The following PTPN14 variants were observed in gnomAD, a reference collection of about 807,000 sequenced individuals.
PTPN14 encodes protein tyrosine phosphatase non-receptor type 14.
A neutral mutation model predicts 126.8 loss-of-function variants in PTPN14; 53 were observed. The ratio of observed to expected loss-of-function variants is 0.42; its 90% confidence interval spans 0.34 to 0.53. The LOEUF (loss-of-function observed/expected upper bound fraction) is 0.53. Among genes scored for constraint, PTPN14 ranks in the 20% least tolerant of loss-of-function variants. The pLI, the probability that PTPN14 is intolerant of heterozygous loss-of-function variation, is 0.08. For missense variants in PTPN14, 1,257 were observed against 1,552.9 expected, an observed-to-expected ratio of 0.81 and a Z score of 3.20; for synonymous variants, 630 against 599.3, an observed-to-expected ratio of 1.05 and a Z score of -0.75.
At chr1:214,370,866 G>A (rs543330159) in intron 16 of PTPN14, among the ~76,000 whole-genome samples, 68 of 152,250 alleles carry the variant, frequency 4.5e-4, no homozygotes, top group African/African-American at 1.5e-3. Context: ...GAACCCTGAT[G>A]GCTGTTTACA....
chr1:214,509,762 G>C (rs1654926259), intron 1 of PTPN14, among the ~76,000 whole-genome samples: 1 of 152,186 alleles, frequency 6.6e-6, no homozygotes, highest in Admixed American at 6.5e-5. Flanking sequence ...TGATAGACTG[G>C]ATTAAGAAAA....
chr1:214,444,605 C>G (rs906768539), intron 3 of PTPN14, among the ~76,000 whole-genome samples: 6 of 152,132 alleles, frequency 3.9e-5, no homozygotes, highest in Non-Finnish European at 7.3e-5. Flanking sequence ...AACTTGTTTA[C>G]AACAGCACAC....
In PTPN14 at chr1:214,350,980, C is replaced by T. The variant is rs1333309973; in HGVS notation, c.*6942G>A. ...AATGATTCTCTGACGAGGATTAACT[C>T]TTACATCTGGGTTGCACTCATAGGG... On this transcript the variant is annotated 3_prime_UTR_variant, in exon 19 of 19. Coordinates refer to ENST00000366956, the MANE Select transcript of PTPN14 (RefSeq NM_005401.5). The T allele has an allele frequency of 6.6e-6, 1 of 151,926 alleles. No individual in the cohort carries two copies. Among genetic ancestry groups the T allele is most frequent in the Non-Finnish European group, 1.5e-5 (1 of 67,998 alleles). 9.4% of individuals were successfully genotyped at this position (151,926 alleles called of 1,614,324 possible). A position where few individuals can be genotyped will look rare whatever the true frequency, so the allele number is the denominator to read the frequency against.
At chr1:214,533,753 C>A (rs1444397293) in intron 1 of PTPN14, among the ~76,000 whole-genome samples, 1 of 150,476 alleles carries the variant, frequency 6.6e-6, no homozygotes, top group African/African-American at 2.4e-5. Flanking sequence ...GGGAGAATGG[C>A]GTGAACCCGG....
intron 1 of PTPN14, among the ~76,000 whole-genome samples, chr1:214,538,549 A>G (rs1655763303): frequency 6.6e-6 from 1 of 152,240 alleles, no homozygotes; most frequent in Non-Finnish European, 1.5e-5. Context: ...ACATAAGTAA[A>G]GAGGCCATGG....
In PTPN14 at chr1:214,441,588, A is replaced by T. The variant is rs564672626; in HGVS notation, c.344+10217T>A. Among the ~76,000 whole-genome samples the T allele has an allele frequency of 2.7e-4, 41 of 152,320 alleles. 1 individual carries two copies. The East Asian group carries it at 3.3e-3, about 12-fold the overall frequency. On this transcript the variant is annotated intron_variant, in intron 3 of 18. Transcript: ENST00000366956. ...CTCTTCCAACGTCAAGATTTTTTTT[A>T]AAATCCATTTTTGAAATTGACACAC...
intron 3 of PTPN14, among the ~76,000 whole-genome samples, chr1:214,445,963 G>C (rs905087796): frequency 2.0e-5 from 3 of 152,188 alleles, no homozygotes; most frequent in African/African-American, 7.2e-5. Context: ...TGCTGGGGAA[G>C]ATGAACTGCT....
chr1:214,538,244 A>T (rs1655755786), intron 1 of PTPN14, among the ~76,000 whole-genome samples: 1 of 152,226 alleles, frequency 6.6e-6, no homozygotes, highest in Non-Finnish European at 1.5e-5. Context: ...CTTGACCTAC[A>T]CAGACTTCTG....
At chr1:214,365,598 T>C (rs78410140) in intron 17 of PTPN14, among the ~76,000 whole-genome samples, 2,838 of 152,174 alleles carry the variant, frequency 0.019, 91 homozygotes, top group African/African-American at 0.064. Flanking sequence ...AACCAGACTA[T>C]AGGGGAAATG....
rs377258229 is a variant in PTPN14, at chr1:214,386,848, C to T, written c.1062G>A (p.Ser354=). 294 of 1,595,442 alleles carry T rather than the reference C, an allele frequency of 1.8e-4. 1 individual carries two copies. Among genetic ancestry groups the T allele is most frequent in the Middle Eastern group, 1.3e-3 (8 of 6,036 alleles). The change falls in exon 12 of 19, where the codon TCG becomes TCA. Residue 354 remains serine, a synonymous_variant. Coordinates refer to ENST00000366956, the MANE Select transcript of PTPN14 (RefSeq NM_005401.5). Reference sequence around the variant, plus strand: ...AGAACGGCAAGCCAGAGTTACCTTGCGAGGTGTGCGTTTCCGAGTAGTGCT... The same window carrying T: ...AGAACGGCAAGCCAGAGTTACCTTGTGAGGTGTGCGTTTCCGAGTAGTGCT... ...CGEHYSETHT[S]QDSIFHGNEE... is the part of the protein sequence containing the mutation.
In PTPN14 at chr1:214,354,309, TA is replaced by T. The variant is rs1337227727; in HGVS notation, c.*3612del. 6.6e-6 allele frequency: 1 copy of T among 152,272 alleles called. No individual in the cohort carries two copies. Among genetic ancestry groups the T allele is most frequent in the Non-Finnish European group, 1.5e-5 (1 of 68,058 alleles). The allele number at this position is 152,272 out of a possible 1,614,324, so 9.4% of individuals were successfully genotyped here. A position where few individuals can be genotyped will look rare whatever the true frequency, so the allele number is the denominator to read the frequency against. On this transcript the variant is annotated 3_prime_UTR_variant, in exon 19 of 19. Transcript: ENST00000366956. The stretch of plus-strand genomic sequence containing the variant: ...TACGATTCAAAATATTCCACATAGG[TA>T]TTTTTACCTTCCCTGATCTTATTGT...
chr1:214,361,299 C>T (rs538682697), intron 18 of PTPN14, among the ~76,000 whole-genome samples: 8 of 152,270 alleles, frequency 5.3e-5, no homozygotes, highest in Middle Eastern at 3.4e-3. Flanking sequence ...ATATTATTTT[C>T]AATGTTGTCA....
Position 214,411,682 on chromosome 1 carries a change from A to G in PTPN14, c.510+2T>C. 1 of 1,477,382 alleles carries G rather than the reference A, an allele frequency of 6.8e-7. No homozygotes were observed. The highest frequency in any genetic ancestry group is 9.3e-7 in the Non-Finnish European group (1 of 1,075,414). 91.5% of individuals were successfully genotyped at this position (1,477,382 alleles called of 1,614,324 possible). A position where few individuals can be genotyped will look rare whatever the true frequency, so the allele number is the denominator to read the frequency against. On this transcript the variant is annotated splice_donor_variant, in intron 5 of 18. Coordinates refer to ENST00000366956, the MANE Select transcript of PTPN14 (RefSeq NM_005401.5). LOFTEE classifies it high-confidence loss of function. ...AATTAAGAAAAATGAAATTACACTT[A>G]CCATAGGAAATAGCACATACTCTCT...
chr1:214,384,901 T>A lies in PTPN14; in HGVS notation c.1067-113A>T, dbSNP rs1658572981. 8.9e-6 allele frequency: 11 copies of A among 1,230,126 alleles called. No individual in the cohort carries two copies. The South Asian group carries it at 1.5e-4, about 17-fold the overall frequency. The allele number at this position is 1,230,126 out of a possible 1,614,324, so 76.2% of individuals were successfully genotyped here. A position where few individuals can be genotyped will look rare whatever the true frequency, so the allele number is the denominator to read the frequency against. On this transcript the variant is annotated intron_variant, in intron 12 of 18. Coordinates refer to ENST00000366956, the MANE Select transcript of PTPN14 (RefSeq NM_005401.5). The surrounding 1 kb of genome is among the most constrained non-coding windows in gnomAD (Gnocchi z 5.3). ...TTTAAACAAATCATAAAAAGTGAAA[T>A]CCCATGGTCTCCACCCACATGTTCT...
In PTPN14 at chr1:214,384,541, C is replaced by T. The variant is rs192277867; in HGVS notation, c.1314G>A (p.Ser438=). 1.5e-5 allele frequency: 24 copies of T among 1,614,056 alleles called. No individual in the cohort carries two copies. The Admixed American group carries it at 1.5e-4, about 10-fold the overall frequency. The part of the protein sequence containing the change: ...SHRHSAIIVP[S]YRPTPDYETV... ...TCTCATAATCGGGGGTTGGCCTGTA[C>T]GAGGGCACGATGATCGCGCTGTGCC... The change falls in exon 13 of 19, where the codon TCG becomes TCA. Residue 438 remains serine, a synonymous_variant. Coordinates refer to ENST00000366956, the MANE Select transcript of PTPN14 (RefSeq NM_005401.5). The surrounding 1 kb of genome is among the most constrained non-coding windows in gnomAD (Gnocchi z 5.3).
intron 1 of PTPN14, among the ~76,000 whole-genome samples, chr1:214,479,156 G>C (rs1192279005): frequency 6.6e-6 from 1 of 151,972 alleles, no homozygotes; most frequent in Non-Finnish European, 1.5e-5. Flanking sequence ...GACCAGCCTG[G>C]TCAACAAAGC....
chr1:214,494,606 C>T (rs1661319972), intron 1 of PTPN14, among the ~76,000 whole-genome samples: 1 of 152,208 alleles, frequency 6.6e-6, no homozygotes, highest in African/African-American at 2.4e-5. Flanking sequence ...TGTCATCTAA[C>T]ATTAAGCTCT....
At chr1:214,368,657 C>T (rs1342373374) in intron 17 of PTPN14, among the ~76,000 whole-genome samples, 2 of 152,094 alleles carry the variant, frequency 1.3e-5, no homozygotes, top group Non-Finnish European at 2.9e-5. Flanking sequence ...AGTACTTTTT[C>T]CCTGTCCCAA....
In PTPN14 at chr1:214,464,693, C is replaced by T. The variant is rs755063354; in HGVS notation, c.111G>A (p.Leu37=). 24 of 1,614,182 alleles carry T rather than the reference C, an allele frequency of 1.5e-5. No homozygotes were observed. The Admixed American group carries it at 4.0e-4, about 27-fold the overall frequency. The change falls in exon 2 of 19, where the codon CTG becomes CTA. Residue 37 remains leucine (L), a synonymous_variant. Transcript: ENST00000366956. ...LLDSNVIECT[L]SVESTGQECL... ...ATTCTTGCCCTGTGCTTTCCACCGA[C>T]AGCGTGCACTCGATAACATTGCTGT...
Sources: allele counts gnomAD v4.1 joint callset (sites outside exome capture counted in the v4.1 genomes callset), GRCh38; gene constraint gnomAD v4.1.1; non-coding constraint Gnocchi (gnomAD v3.1); transcripts MANE v1.5; gene names NCBI Gene and HGNC (gene_info 2026-07-23, HGNC 2026-07-21).